SSH1: variants seen among roughly 807,000 people sequenced by gnomAD.
SSH1 encodes the protein protein phosphatase Slingshot homolog 1.
SSH1 carries 43 observed loss-of-function variants against 79.7 expected under a neutral mutation model. The observed-to-expected ratio is 0.54, with a 90% CI of 0.42 to 0.70. The LOEUF (loss-of-function observed/expected upper bound fraction) is 0.70. Ranked by LOEUF, SSH1 falls within the 30% of genes least tolerant of loss-of-function variation. SSH1 has a pLI of 0.00. For synonymous variants in SSH1, 599 were observed against 538.3 expected (o/e 1.11, Z -1.56); for missense variants, 1,206 against 1,358.8 (o/e 0.89, Z 1.77).
intron 11 of SSH1, 77 bp downstream of exon 11, chr12:108,802,245 G>T: frequency 7.2e-7 from 1 of 1,394,912 alleles, no homozygotes; most frequent in Non-Finnish European, 1.0e-6. Flanking sequence ...CAGCCCCAAG[G>T]TCTCCCCCTC....
Position 108,789,028 on chromosome 12 carries a change from G to A in SSH1, c.2110C>T (p.Pro704Ser). The change falls in exon 15 of 15, where the codon CCA becomes TCA. Residue 704 changes from proline to serine, a missense_variant. Pro to Ser is a moderately conservative substitution (Grantham distance 74). Around this residue, in one of 5 missense-constraint regions of SSH1, gnomAD observed 709 missense variants for 730.6 expected, o/e 0.97. Transcript: ENST00000326495. ...GGAGGTTCGGTTGGGCCAGAGGCTG[G>A]CTTCTCCGGAACACGGGACCTGCTG... ...LASRSRVPEK[P>S]ASGPTEPPPF... The A allele has an allele frequency of 1.2e-6, 2 of 1,608,788 alleles. No homozygotes were observed.
Position 108,799,115 on chromosome 12 carries a change from A to G in SSH1, c.1234T>C (p.Phe412Leu), listed in dbSNP as rs2036876630. ...TATGCTTTTTCCAGAGGCCAGCCGAATTCCTTCATTGCATAGGCTATGACT... is the reference window on the plus strand; with the variant it reads ...TATGCTTTTTCCAGAGGCCAGCCGAGTTCCTTCATTGCATAGGCTATGACT... ...STVIAYAMKEFGWPLEKAYNY... is the reference protein window; with the variant it reads ...STVIAYAMKELGWPLEKAYNY... Residue 412 changes from phenylalanine to leucine, a missense_variant, in exon 13 of 15, where the codon TTC becomes CTC. Phe to Leu is a conservative substitution (Grantham distance 22). Coordinates refer to ENST00000326495, the MANE Select transcript of SSH1 (RefSeq NM_018984.4). The G allele has an allele frequency of 6.2e-7, 1 of 1,614,228 alleles. No individual in the cohort carries two copies. Among genetic ancestry groups the G allele is most frequent in the East Asian group, 2.2e-5 (1 of 44,892 alleles).
At chr12:108,826,002 C>G in intron 2 of SSH1, 1 of 406,030 alleles carries the variant, frequency 2.5e-6, no homozygotes, top group South Asian at 1.8e-5. Context: ...ACTCATGAAA[C>G]CTAAAACAAC....
rs745456603 is a variant in SSH1, at chr12:108,780,123, G to C, written c.*7865C>G. 2 of 152,248 alleles carry C rather than the reference G, an allele frequency of 1.3e-5. No homozygotes were observed. Among genetic ancestry groups the C allele is most frequent in the Non-Finnish European group, 2.9e-5 (2 of 68,070 alleles). 9.4% of individuals were successfully genotyped at this position (152,248 alleles called of 1,614,324 possible). A position where few individuals can be genotyped will look rare whatever the true frequency, so the allele number is the denominator to read the frequency against. On this transcript the variant is annotated 3_prime_UTR_variant, in exon 15 of 15. Coordinates refer to ENST00000326495, the MANE Select transcript of SSH1 (RefSeq NM_018984.4). Reference sequence around the variant, plus strand: ...GATGCGTGGGTGGGTGGTGTTTCCTGGGTGGAGCTCTCCTTTAGAAAGGGC... The same window carrying C: ...GATGCGTGGGTGGGTGGTGTTTCCTCGGTGGAGCTCTCCTTTAGAAAGGGC...
At chr12:108,797,270 G>C (rs2036791456) in intron 13 of SSH1, among the ~76,000 whole-genome samples, 1 of 151,526 alleles carries the variant, frequency 6.6e-6, no homozygotes, top group African/African-American at 2.4e-5. Context: ...AGGACCACTG[G>C]TGCACGCCAC....
chr12:108,798,505 G>A (rs1212838705), intron 13 of SSH1, among the ~76,000 whole-genome samples: 1 of 152,204 alleles, frequency 6.6e-6, no homozygotes, highest in Non-Finnish European at 1.5e-5. Flanking sequence ...GCCCAGCTAA[G>A]GTGGGCATTA....
At chr12:108,800,364 G>A (rs999615931) in intron 12 of SSH1, among the ~76,000 whole-genome samples, 1 of 152,142 alleles carries the variant, frequency 6.6e-6, no homozygotes, top group Non-Finnish European at 1.5e-5. Context: ...TCCCAAAGAA[G>A]CTCTAAGCCC....
At chr12:108,835,820 GTTAATA>G (rs936248946) in intron 2 of SSH1, among the ~76,000 whole-genome samples, 3 of 144,914 alleles carry the variant, frequency 2.1e-5, no homozygotes, top group Admixed American at 1.4e-4. Context: ...AAACATTAAT[GTTAATA>G]TTAATATTTA....
chr12:108,831,118 GA>G (rs917635973), intron 2 of SSH1, among the ~76,000 whole-genome samples: 1 of 151,802 alleles, frequency 6.6e-6, no homozygotes, highest in African/African-American at 2.4e-5. Context: ...GCTGTATCTC[GA>G]AAAAAAAGTA....
At chr12:108,815,992 A>C (rs1285225523) in intron 5 of SSH1, among the ~76,000 whole-genome samples, 1 of 152,188 alleles carries the variant, frequency 6.6e-6, no homozygotes, top group East Asian at 1.9e-4. Context: ...GGCCTCCCTG[A>C]CTGGTTTCTG....
chr12:108,842,523 A>G (rs1398116889), intron 2 of SSH1, among the ~76,000 whole-genome samples: 1 of 152,200 alleles, frequency 6.6e-6, no homozygotes. Context: ...AGCTGGCCTC[A>G]TTACCACCCG....
chr12:108,810,518 T>C (rs955549228), intron 6 of SSH1, among the ~76,000 whole-genome samples: 2 of 151,742 alleles, frequency 1.3e-5, no homozygotes, highest in South Asian at 2.1e-4. Context: ...TGAGACTCCG[T>C]TGAAAAAAAG....
Position 108,785,047 on chromosome 12 carries a change from C to G in SSH1, c.*2941G>C, listed in dbSNP as rs1188448150. ...TGTTACAGTGCAAACTTCCTTTTCA[C>G]AGACAGCATGAATTCGTCTTTGCCC... On this transcript the variant is annotated 3_prime_UTR_variant, in exon 15 of 15. Transcript: ENST00000326495. The G allele has an allele frequency of 6.6e-6, 1 of 152,262 alleles. No individual in the cohort carries two copies. Among genetic ancestry groups the G allele is most frequent in the Admixed American group, 6.5e-5 (1 of 15,280 alleles). The allele number at this position is 152,262 out of a possible 1,614,324, so 9.4% of individuals were successfully genotyped here. A position where few individuals can be genotyped will look rare whatever the true frequency, so the allele number is the denominator to read the frequency against.
At chr12:108,827,739 G>A (rs1399437563) in intron 2 of SSH1, among the ~76,000 whole-genome samples, 3 of 152,160 alleles carry the variant, frequency 2.0e-5, no homozygotes, top group Non-Finnish European at 2.9e-5. Context: ...ACCCCCTTCC[G>A]ATTCAAATCA....
At chr12:108,847,815 T>G (rs555715398) in intron 2 of SSH1, among the ~76,000 whole-genome samples, 2 of 152,102 alleles carry the variant, frequency 1.3e-5, no homozygotes, top group South Asian at 4.1e-4. Flanking sequence ...ACTAAGGGAT[T>G]TGAGAGCAGT....
chr12:108,821,614 G>A (rs548997935), intron 3 of SSH1, among the ~76,000 whole-genome samples: 1 of 152,280 alleles, frequency 6.6e-6, no homozygotes, highest in South Asian at 2.1e-4. Flanking sequence ...AGGCTTAGAA[G>A]TCGACCTGTT....
At chr12:108,811,475 C>T (rs2037593300) in intron 5 of SSH1, 147 bp from the exon 6 acceptor site, 3 of 735,838 alleles carry the variant, frequency 4.1e-6, no homozygotes, top group Non-Finnish European at 7.4e-6. Context: ...CTGATGAATT[C>T]TAGAAGACAC....
At position 108,801,726 on chromosome 12, in the gene SSH1, T is replaced by C. The variant is rs2037015615; in HGVS notation, c.1001+596A>G. On this transcript the variant is annotated intron_variant, in intron 11 of 14. Coordinates refer to ENST00000326495, the MANE Select transcript of SSH1 (RefSeq NM_018984.4). ...GCCCACAGAACGGTGATTTTGTGGCTGTGTTGTTTTAAAAAAAAAAAAAAA... is the reference window on the plus strand; with the variant it reads ...GCCCACAGAACGGTGATTTTGTGGCCGTGTTGTTTTAAAAAAAAAAAAAAA... 2.1e-5 allele frequency among the ~76,000 whole-genome samples: 3 copies of C among 143,350 alleles called. No homozygotes were observed. In the South Asian group the frequency reaches 7.6e-4, roughly 36 times the overall value. 94.0% of individuals were successfully genotyped at this position (143,350 alleles called of 152,430 possible). A position where few individuals can be genotyped will look rare whatever the true frequency, so the allele number is the denominator to read the frequency against.
Position 108,842,443 on chromosome 12 carries a change from T to G in SSH1, c.110+10195A>C, listed in dbSNP as rs535860307. ...TTCCTAAAATGAGGAGAGTCCCTAC[T>G]TTGCAGGCTTGTGACAACAAGATGA... is the stretch of plus-strand genomic sequence containing the variant. On this transcript the variant is annotated intron_variant, in intron 2 of 14. Transcript: ENST00000326495. Among the ~76,000 whole-genome samples, 6 of 152,316 alleles carry G rather than the reference T, an allele frequency of 3.9e-5. No individual in the cohort carries two copies. The South Asian group carries it at 1.2e-3, about 32-fold the overall frequency.
Sources: gnomAD v4.1 joint callset for allele counts (sites outside exome capture counted in the v4.1 genomes callset) on GRCh38, gnomAD v4.1.1 for gene constraint, gnomAD v4.1.1 regional missense constraint, MANE v1.5 for transcripts, NCBI Gene and HGNC (gene_info 2026-07-23, HGNC 2026-07-21) for gene names.